GRB14: variants seen among roughly 807,000 people sequenced by gnomAD.
GRB14 encodes growth factor receptor bound protein 14.
A neutral mutation model predicts 69.1 loss-of-function variants in GRB14; 38 were observed. The observed-to-expected ratio is 0.55, with a 90% CI of 0.42 to 0.72. The LOEUF (loss-of-function observed/expected upper bound fraction) is 0.72, where lower values mean the gene tolerates loss of function less well. Among genes scored for constraint, GRB14 ranks in the 30% least tolerant of loss-of-function variants. The probability of loss-of-function intolerance (pLI) is 0.00; values close to 1 mark genes in which losing one functional copy is unlikely to be tolerated. For synonymous variants in GRB14, 247 were observed against 241.3 expected, an observed-to-expected ratio of 1.02 and a Z score of -0.22; for missense variants, 666 against 666.1, an observed-to-expected ratio of 1.00 and a Z score of 0.00.
chr2:164,565,486 G>A (rs981372726), intron 2 of GRB14, among the ~76,000 whole-genome samples: 8 of 152,150 alleles, frequency 5.3e-5, no homozygotes, highest in African/African-American at 1.9e-4. Context: ...ACGTATCTAG[G>A]AGAAGCATAC....
intron 6 of GRB14, among the ~76,000 whole-genome samples, chr2:164,510,428 C>T (rs1687311165): frequency 6.6e-6 from 1 of 152,100 alleles, no homozygotes; most frequent in African/African-American, 2.4e-5. Flanking sequence ...GAGAAGCGTA[C>T]TTAGAGATTT....
intron 3 of GRB14, among the ~76,000 whole-genome samples, chr2:164,534,961 T>A (rs1301592313): frequency 6.6e-6 from 1 of 152,202 alleles, no homozygotes; most frequent in East Asian, 1.9e-4. Flanking sequence ...GATACAAGTC[T>A]ATTTAAAATA....
At position 164,587,869 on chromosome 2, in the gene GRB14, G is replaced by T. The variant is rs1022221244; in HGVS notation, c.324+31818C>A. Among the ~76,000 whole-genome samples the T allele has an allele frequency of 1.1e-4, 17 of 152,122 alleles. 1 individual carries two copies. ...AAGTAAAACATCACATGAAAGACGG[G>T]GTGAAATGGCGTCACTGTGGTCCAC... On this transcript the variant is annotated intron_variant, in intron 2 of 13. Transcript: ENST00000263915.
chr2:164,517,878 C>T (rs1217285886), intron 6 of GRB14, among the ~76,000 whole-genome samples: 2 of 152,088 alleles, frequency 1.3e-5, no homozygotes, highest in African/African-American at 4.8e-5. Flanking sequence ...ACAATTTCTA[C>T]TAGACGTAAA....
In GRB14 at chr2:164,604,818, T is replaced by C. The variant is rs1205749864; in HGVS notation, c.324+14869A>G. ...GAAATATCCATAATAGGTAAATCCA[T>C]ACAAACAGAATGCAGATTTGTGGTT... On this transcript the variant is annotated intron_variant, in intron 2 of 13. Coordinates refer to ENST00000263915, the MANE Select transcript of GRB14 (RefSeq NM_004490.3). Among the ~76,000 whole-genome samples, 3 of 152,228 alleles carry C rather than the reference T, an allele frequency of 2.0e-5. No individual in the cohort carries two copies. The East Asian group carries it at 5.8e-4, about 29-fold the overall frequency.
At chr2:164,501,776 G>A (rs927543048) in intron 9 of GRB14, among the ~76,000 whole-genome samples, 2 of 151,970 alleles carry the variant, frequency 1.3e-5, no homozygotes, top group East Asian at 1.9e-4. Flanking sequence ...GAGCTCACAT[G>A]TGTATACTGT....
intron 5 of GRB14, among the ~76,000 whole-genome samples, chr2:164,522,715 G>A (rs905025581): frequency 6.6e-6 from 1 of 152,024 alleles, no homozygotes; most frequent in African/African-American, 2.4e-5. Context: ...AGTTGTGGGT[G>A]GATGTGGCAG....
At chr2:164,526,290 A>C (rs1687772106) in intron 4 of GRB14, among the ~76,000 whole-genome samples, 1 of 152,054 alleles carries the variant, frequency 6.6e-6, no homozygotes, top group Non-Finnish European at 1.5e-5. Flanking sequence ...TTAGTGTAAA[A>C]ATATGCTTCA....
intron 2 of GRB14, among the ~76,000 whole-genome samples, chr2:164,574,601 A>AACAG (rs1202625443): frequency 6.6e-6 from 1 of 152,106 alleles, no homozygotes; most frequent in Non-Finnish European, 1.5e-5. Context: ...AGAAAACCAA[A>AACAG]ACAGCAGAAA....
chr2:164,535,521 C>A (rs1688057749), intron 3 of GRB14, among the ~76,000 whole-genome samples: 1 of 152,172 alleles, frequency 6.6e-6, no homozygotes, highest in Admixed American at 6.5e-5. Flanking sequence ...ACAAAAGTGG[C>A]TTTTACCTCT....
At chr2:164,598,759 G>A (rs1026096690) in intron 2 of GRB14, among the ~76,000 whole-genome samples, 3 of 152,168 alleles carry the variant, frequency 2.0e-5, no homozygotes, top group Admixed American at 6.5e-5. Flanking sequence ...ATGACCTTGA[G>A]CATGCCACTT....
chr2:164,530,886 T>C (rs535723220), intron 3 of GRB14, among the ~76,000 whole-genome samples: 2 of 152,152 alleles, frequency 1.3e-5, no homozygotes, highest in Non-Finnish European at 2.9e-5. Context: ...AGGATCACAC[T>C]GTGGAGCAGA....
chr2:164,582,203 C>G (rs1295302076), intron 2 of GRB14, among the ~76,000 whole-genome samples: 1 of 152,128 alleles, frequency 6.6e-6, no homozygotes, highest in East Asian at 1.9e-4. Context: ...ATTTGCCACC[C>G]AAACCTAGTC....
At chr2:164,577,600 G>C (rs1404620740) in intron 2 of GRB14, among the ~76,000 whole-genome samples, 1 of 152,184 alleles carries the variant, frequency 6.6e-6, no homozygotes, top group African/African-American at 2.4e-5. Context: ...TGAACTGTGA[G>C]TCAATCAAAC....
intron 2 of GRB14, among the ~76,000 whole-genome samples, chr2:164,609,570 T>C (rs1286855031): frequency 2.6e-5 from 4 of 152,224 alleles, no homozygotes; most frequent in Non-Finnish European, 5.9e-5. Flanking sequence ...TTTCTTTGCA[T>C]TTATAAATAC....
chr2:164,618,445 G>A (rs1690362674), intron 2 of GRB14, among the ~76,000 whole-genome samples: 1 of 152,086 alleles, frequency 6.6e-6, no homozygotes, highest in Non-Finnish European at 1.5e-5. Flanking sequence ...TCTCAAGAGA[G>A]TCTCCTCTTT....
intron 6 of GRB14, among the ~76,000 whole-genome samples, chr2:164,520,279 G>A (rs1574265625): frequency 6.6e-6 from 1 of 152,216 alleles, no homozygotes; most frequent in East Asian, 1.9e-4. Context: ...TCAACAAATG[G>A]TGCTGGGATA....
Position 164,525,070 on chromosome 2 carries a change from A to G in GRB14, c.612T>C (p.Phe204=). ...TTGCAAAAGATACCATATGCTCTGG[A>G]AAAAAATACTGTCAAAAAGACACAG... ...YEFFKNPMYF[F]PEHMVSFATE... Residue 204 remains phenylalanine (F), a synonymous_variant, in exon 5 of 14, where the codon TTT becomes TTC. Transcript: ENST00000263915. The G allele has an allele frequency of 1.3e-6, 2 of 1,565,274 alleles. No individual in the cohort carries two copies. The highest frequency in any genetic ancestry group is 8.7e-7 in the Non-Finnish European group (1 of 1,144,028).
intron 3 of GRB14, among the ~76,000 whole-genome samples, chr2:164,534,112 T>C (rs550517900): frequency 6.6e-6 from 1 of 152,330 alleles, no homozygotes; most frequent in East Asian, 1.9e-4. Context: ...AGTACTATTC[T>C]ATCAAAAATT....
Sources: gnomAD v4.1 joint callset for allele counts (sites outside exome capture counted in the v4.1 genomes callset) on GRCh38, gnomAD v4.1.1 for gene constraint, MANE v1.5 for transcripts, NCBI Gene and HGNC (gene_info 2026-07-23, HGNC 2026-07-21) for gene names.